The following EEFSEC variants were observed in gnomAD, a reference collection of about 807,000 sequenced individuals.
The protein encoded by EEFSEC is selenocysteine-specific elongation factor.
Under a neutral mutation model 42.1 loss-of-function variants are expected in EEFSEC, and 43 were observed. The observed-to-expected ratio is 1.02, with a 90% CI of 0.80 to 1.32. EEFSEC has a LOEUF of 1.32. EEFSEC is among the 40% of genes most tolerant of loss of function. EEFSEC has a pLI of 0.00. For missense variants in EEFSEC, 745 were observed against 803.6 expected, an observed-to-expected ratio of 0.93 and a Z score of 0.88; for synonymous variants, 354 against 339.1, an observed-to-expected ratio of 1.04 and a Z score of -0.48.
At chr3:128,400,859 CA>C (rs572392686) in intron 6 of EEFSEC, among the ~76,000 whole-genome samples, 2 of 152,362 alleles carry the variant, frequency 1.3e-5, no homozygotes, top group South Asian at 4.1e-4. Flanking sequence ...CGGCAGCCTG[CA>C]GCCCATTGTG....
chr3:128,424,119 G>C, the EEFSEC span, among the ~76,000 whole-genome samples: 1 of 152,150 alleles, frequency 6.6e-6, no homozygotes, highest in East Asian at 1.9e-4. Context: ...CATTCCCAAA[G>C]ACACCTGGCC....
intron 6 of EEFSEC, among the ~76,000 whole-genome samples, chr3:128,387,128 C>T (rs993872810): frequency 7.2e-5 from 11 of 152,174 alleles, no homozygotes; most frequent in African/African-American, 2.4e-4. Context: ...CCACCCTCCT[C>T]GGCCCTGTGC....
chr3:128,182,472 A>G (rs970674728), intron 1 of EEFSEC, among the ~76,000 whole-genome samples: 3 of 152,196 alleles, frequency 2.0e-5, no homozygotes, highest in African/African-American at 7.2e-5. Flanking sequence ...TCTGTGTTTC[A>G]GTCTCCTTAC....
At chr3:128,350,980 A>G (rs116265412) in intron 5 of EEFSEC, among the ~76,000 whole-genome samples, 1,706 of 152,262 alleles carry the variant, frequency 0.011, 23 homozygotes, top group African/African-American at 0.039. Flanking sequence ...GGTGGCTTTC[A>G]AGTGGCCTAG....
chr3:128,337,123 C>G (rs2067198133), intron 4 of EEFSEC: 1 of 152,194 alleles, frequency 6.6e-6, no homozygotes, highest in Non-Finnish European at 1.5e-5. Context: ...TTCTTTATCT[C>G]TGGTGTTCTA....
At chr3:128,399,030 A>G (rs1227513367) in intron 6 of EEFSEC, among the ~76,000 whole-genome samples, 2 of 152,142 alleles carry the variant, frequency 1.3e-5, no homozygotes, top group Admixed American at 1.3e-4. Context: ...CTCAGGGCCA[A>G]GTCATTTTCT....
intron 5 of EEFSEC, among the ~76,000 whole-genome samples, chr3:128,347,891 G>A (rs141253942): frequency 3.3e-5 from 5 of 152,280 alleles, no homozygotes; most frequent in Non-Finnish European, 7.4e-5. Context: ...TAAGGACAAC[G>A]AGGCAGAATA....
At chr3:128,264,355 G>T (rs2066329581) in intron 3 of EEFSEC, among the ~76,000 whole-genome samples, 1 of 152,228 alleles carries the variant, frequency 6.6e-6, no homozygotes, top group Non-Finnish European at 1.5e-5. Context: ...AGTCCCACGG[G>T]AGAAGACAGA....
chr3:128,294,739 G>A (rs2066683647), intron 4 of EEFSEC, among the ~76,000 whole-genome samples: 1 of 152,226 alleles, frequency 6.6e-6, no homozygotes, highest in Admixed American at 6.5e-5. Context: ...GAAAAGGTAA[G>A]GGGAGGGTAT....
rs1361019449 is a variant in EEFSEC, at chr3:128,317,605, T to C, written c.787-23628T>C. 2.6e-5 allele frequency among the ~76,000 whole-genome samples: 4 copies of C among 151,916 alleles called. No individual in the cohort carries two copies. Among genetic ancestry groups the C allele is most frequent in the Non-Finnish European group, 5.9e-5 (4 of 67,980 alleles). On this transcript the variant is annotated intron_variant, in intron 4 of 6. Transcript: ENST00000254730. This position sits in a 1 kb window ranked among gnomAD's most constrained non-coding sequence, Gnocchi z 4.1. ...CGTTCTGACCTTTGTACTTCATCAC[T>C]CCTCACCCCTGTGTGGCATCTCACG...
At chr3:128,292,101 A>G (rs1406954602) in intron 4 of EEFSEC, among the ~76,000 whole-genome samples, 2 of 152,152 alleles carry the variant, frequency 1.3e-5, no homozygotes, top group South Asian at 2.1e-4. Flanking sequence ...TAGGTTACAT[A>G]TATTGTTAAG....
rs761824561 is a variant in EEFSEC, at chr3:128,408,191, G to A, written c.1723G>A (p.Val575Met). The change falls in exon 7 of 7, where the codon GTG becomes ATG. Residue 575 changes from valine (V) to methionine (M), a missense_variant. Val to Met is a conservative substitution (Grantham distance 21, BLOSUM62 1). Coordinates refer to ENST00000254730, the MANE Select transcript of EEFSEC (RefSeq NM_021937.5). Reference protein sequence around the residue: ...SAERSEPSQHVVLSLTFKRYV... With the variant: ...SAERSEPSQHMVLSLTFKRYV... ...CGAGCGGAGCGAGCCCTCACAGCAT[G>A]TGGTGCTCAGCCTGACTTTCAAGCG... The A allele has an allele frequency of 6.2e-7, 1 of 1,612,784 alleles. No homozygotes were observed.
chr3:128,403,646 C>T (rs1017414392), intron 6 of EEFSEC, among the ~76,000 whole-genome samples: 1 of 152,306 alleles, frequency 6.6e-6, no homozygotes, highest in Admixed American at 6.5e-5. Context: ...GGCCCTCGTA[C>T]CGCACCACGC....
At chr3:128,424,333 T>G in the EEFSEC span, among the ~76,000 whole-genome samples, 1 of 152,324 alleles carries the variant, frequency 6.6e-6, no homozygotes, top group African/African-American at 2.4e-5. Context: ...TTGTTGTTTT[T>G]AATTATTGTA....
chr3:128,241,446 A>T (rs1004251818), intron 1 of EEFSEC, among the ~76,000 whole-genome samples: 2 of 152,116 alleles, frequency 1.3e-5, no homozygotes, highest in Non-Finnish European at 1.5e-5. Context: ...CCTGAGCTCA[A>T]GTGATTCACA....
At chr3:128,352,532 G>T (rs1218160282) in intron 5 of EEFSEC, among the ~76,000 whole-genome samples, 1 of 152,200 alleles carries the variant, frequency 6.6e-6, no homozygotes, top group Non-Finnish European at 1.5e-5. Context: ...AATTCCCAGC[G>T]CAACCCTCTG....
At chr3:128,159,391 T>C (rs987915819) in intron 1 of EEFSEC, among the ~76,000 whole-genome samples, 2 of 152,266 alleles carry the variant, frequency 1.3e-5, no homozygotes, top group African/African-American at 4.8e-5. Flanking sequence ...TCCTGGCTTA[T>C]GGCACCTGGA....
intron 4 of EEFSEC, among the ~76,000 whole-genome samples, chr3:128,321,010 C>T (rs1460131469): frequency 6.6e-6 from 1 of 152,238 alleles, no homozygotes; most frequent in Non-Finnish European, 1.5e-5. Context: ...GCTTATAGAA[C>T]ACTGCCCAGT....
intron 4 of EEFSEC, among the ~76,000 whole-genome samples, chr3:128,295,503 ATG>A (rs1245473801): frequency 9.3e-6 from 1 of 107,942 alleles, no homozygotes; most frequent in Non-Finnish European, 1.7e-5. Context: ...CTAGTATGAT[ATG>A]TGTGTCTTAT....
Sources: allele counts gnomAD v4.1 joint callset (sites outside exome capture counted in the v4.1 genomes callset), GRCh38; gene constraint gnomAD v4.1.1; non-coding constraint Gnocchi (gnomAD v3.1); transcripts MANE v1.5; gene names NCBI Gene and HGNC (gene_info 2026-07-23, HGNC 2026-07-21).